KCND3: variants seen among roughly 807,000 people sequenced by gnomAD.
KCND3 encodes the protein potassium voltage-gated channel subfamily D member 3, also known as A-type voltage-gated potassium channel KCND3.
KCND3 carries 9 observed loss-of-function variants against 51.1 expected under a neutral mutation model. The observed-to-expected ratio is 0.18, with a 90% confidence interval of 0.11 to 0.31. KCND3 has a LOEUF of 0.31. KCND3 is among the 10% of genes least tolerant of loss of function. The pLI, the probability that KCND3 is intolerant of heterozygous loss-of-function variation, is 1.00. For missense variants in KCND3, 526 were observed against 903.8 expected (o/e 0.58, Z 5.36); for synonymous variants, 349 against 368.0 (o/e 0.95, Z 0.59).
chr1:111,801,753 TG>T (rs1557945355), intron 2 of KCND3, among the ~76,000 whole-genome samples: 1 of 152,248 alleles, frequency 6.6e-6, no homozygotes, highest in East Asian at 1.9e-4. Context: ...CCCCACGCTG[TG>T]CTGCCCTCCA....
rs186253220 is a variant in KCND3, at chr1:111,927,520, G to T, written c.1106+54101C>A. On this transcript the variant is annotated intron_variant, in intron 2 of 7. Transcript: ENST00000302127. ...AGCTGACTGCATTACAGGTGAAAGG[G>T]CAAGTCACTACTTCCCACGTGTGCA... is the stretch of plus-strand genomic sequence containing the variant. 7.0e-4 allele frequency among the ~76,000 whole-genome samples: 107 copies of T among 152,356 alleles called. 1 individual carries two copies. Among genetic ancestry groups the T allele is most frequent in the African/African-American group, 2.5e-3 (106 of 41,578 alleles).
Position 111,780,445 on chromosome 1 carries a change from G to A in KCND3, c.1372-131C>T. Reference sequence around the variant, plus strand: ...TTTTTTTATTTGACCAAATTTCAGGGTCAGCATTGAATATGCTAACCTTTG... The same window carrying A: ...TTTTTTTATTTGACCAAATTTCAGGATCAGCATTGAATATGCTAACCTTTG... On this transcript the variant is annotated intron_variant, in intron 4 of 7. Coordinates refer to ENST00000302127, the MANE Select transcript of KCND3 (RefSeq NM_001378969.1). This position sits in a 1 kb window ranked among gnomAD's most constrained non-coding sequence, Gnocchi z 4.2. 1.0e-6 allele frequency: 1 copy of A among 972,938 alleles called. No homozygotes were observed. The highest frequency in any genetic ancestry group is 2.6e-5 in the East Asian group (1 of 38,308). The allele number at this position is 972,938 out of a possible 1,614,324, so 60.3% of individuals were successfully genotyped here.
At chr1:111,800,161 G>T (rs1239911159) in intron 2 of KCND3, among the ~76,000 whole-genome samples, 3 of 140,626 alleles carry the variant, frequency 2.1e-5, no homozygotes, top group Non-Finnish European at 4.6e-5. Context: ...GTAGAAAGAA[G>T]TAGACATGGG....
At chr1:111,776,487 A>G (rs369543871) in intron 7 of KCND3, among the ~76,000 whole-genome samples, 3 of 152,222 alleles carry the variant, frequency 2.0e-5, no homozygotes, top group African/African-American at 7.2e-5. Context: ...TAGGCTTTGA[A>G]TTGCAGAATG....
intron 2 of KCND3, among the ~76,000 whole-genome samples, chr1:111,889,266 G>A (rs1669718604): frequency 6.6e-6 from 1 of 152,218 alleles, no homozygotes; most frequent in African/African-American, 2.4e-5. Flanking sequence ...CTGCCCCATG[G>A]ACTGAGTGAC....
intron 2 of KCND3, among the ~76,000 whole-genome samples, chr1:111,830,886 C>T (rs1025981960): frequency 6.6e-6 from 1 of 152,158 alleles, no homozygotes; most frequent in Admixed American, 6.5e-5. Context: ...CCTACATATT[C>T]CACAGAAATA....
Position 111,776,025 on chromosome 1 carries a change from T to G in KCND3, c.*52A>C. Reference sequence around the variant, plus strand: ...TGGTCTCAGTGACCACCCACCAACATGCCAGTCCCCTTCATTCCCCACTAC... The same window carrying G: ...TGGTCTCAGTGACCACCCACCAACAGGCCAGTCCCCTTCATTCCCCACTAC... On this transcript the variant is annotated 3_prime_UTR_variant, in exon 8 of 8. Transcript: ENST00000302127. The G allele has an allele frequency of 6.3e-7, 1 of 1,595,928 alleles. No individual in the cohort carries two copies. The highest frequency in any genetic ancestry group is 8.6e-7 in the Non-Finnish European group (1 of 1,163,718).
intron 2 of KCND3, among the ~76,000 whole-genome samples, chr1:111,816,188 C>G (rs896392879): frequency 6.6e-6 from 1 of 152,248 alleles, no homozygotes; most frequent in Non-Finnish European, 1.5e-5. Context: ...AGGAGGCAAA[C>G]CCCTACCACA....
Position 111,852,604 on chromosome 1 carries a change from G to C in KCND3, c.1107-65498C>G, listed in dbSNP as rs570368055. ...AGACAGAGGGGAGTGCAGCTGCACT[G>C]GGTTAATTACGCACACACCAAGCAT... On this transcript the variant is annotated intron_variant, in intron 2 of 7. Transcript: ENST00000302127. Among the ~76,000 whole-genome samples the C allele has an allele frequency of 2.6e-5, 4 of 152,280 alleles. No individual in the cohort carries two copies. The South Asian group carries it at 8.3e-4, about 32-fold the overall frequency.
intron 2 of KCND3, among the ~76,000 whole-genome samples, chr1:111,869,949 T>C (rs1238712783): frequency 6.6e-6 from 1 of 152,108 alleles, no homozygotes; most frequent in Non-Finnish European, 1.5e-5. Context: ...CATGCTGAAA[T>C]AAAGTGTTTG....
chr1:111,955,325 G>T (rs1253089958), intron 2 of KCND3, among the ~76,000 whole-genome samples: 1 of 152,090 alleles, frequency 6.6e-6, no homozygotes. Context: ...GGGGCGAGAG[G>T]ACTGCTAGAG....
chr1:111,779,869 C>T lies in KCND3; in HGVS notation c.1461+356G>A, dbSNP rs1010173060. The stretch of plus-strand genomic sequence containing the variant: ...ATCAACACTCTTCTCTACTCTCCTA[C>T]ACAAATTCAGCCCAAGCTTTGAAGG... On this transcript the variant is annotated intron_variant, in intron 5 of 7. Coordinates refer to ENST00000302127, the MANE Select transcript of KCND3 (RefSeq NM_001378969.1). Among the ~76,000 whole-genome samples, 5 of 152,256 alleles carry T rather than the reference C, an allele frequency of 3.3e-5. No homozygotes were observed. The East Asian group carries it at 9.6e-4, about 29-fold the overall frequency.
In KCND3 at chr1:111,965,438, CCACACACACACACA is replaced by C. The variant is rs56156826; in HGVS notation, c.1106+16169_1106+16182del. Among the ~76,000 whole-genome samples the C allele has an allele frequency of 2.8e-3, 202 of 72,418 alleles. No individual in the cohort carries two copies. The East Asian group carries it at 0.036, about 13-fold the overall frequency. The allele number at this position is 72,418 out of a possible 152,430, so 47.5% of individuals were successfully genotyped here. On this transcript the variant is annotated intron_variant, in intron 2 of 7. Transcript: ENST00000302127. ...CCCCGACCCCTTATGGCCAGCAAAA[CCACACACACACACA>C]CACACACACACACACACACACACAC...
intron 2 of KCND3, among the ~76,000 whole-genome samples, chr1:111,826,697 T>C (rs1019955844): frequency 4.6e-5 from 7 of 152,206 alleles, no homozygotes; most frequent in African/African-American, 1.4e-4. Context: ...AGGGTTTCAA[T>C]AGGACAGTGG....
intron 2 of KCND3, among the ~76,000 whole-genome samples, chr1:111,980,203 A>AGTGTGT (rs58988523): frequency 0.031 from 4,457 of 142,980 alleles, 154 homozygotes; most frequent in East Asian, 0.096. Flanking sequence ...CCATTTGAAG[A>AGTGTGT]GTGTGTGTGT....
intron 3 of KCND3, among the ~76,000 whole-genome samples, chr1:111,785,218 C>T (rs1664554562): frequency 6.6e-6 from 1 of 152,218 alleles, no homozygotes; most frequent in Non-Finnish European, 1.5e-5. Flanking sequence ...CCTGTGTCAG[C>T]TCTAGCCCCT....
chr1:111,923,853 C>T lies in KCND3; in HGVS notation c.1106+57768G>A, dbSNP rs543835092. 8.5e-5 allele frequency among the ~76,000 whole-genome samples: 13 copies of T among 152,348 alleles called. No homozygotes were observed. In the South Asian group the frequency reaches 2.7e-3, roughly 32 times the overall value. ...TAAATGACTCCTCCTTACCTTACTC[C>T]TCCTCCTGAAGGCAGTGGGGTGGGC... On this transcript the variant is annotated intron_variant, in intron 2 of 7. Transcript: ENST00000302127.
intron 2 of KCND3, among the ~76,000 whole-genome samples, chr1:111,937,562 G>T (rs955550817): frequency 2.6e-5 from 4 of 152,202 alleles, no homozygotes; most frequent in African/African-American, 9.6e-5. Flanking sequence ...CCACACTGGG[G>T]CTCATGCCTT....
intron 2 of KCND3, among the ~76,000 whole-genome samples, chr1:111,886,082 T>C (rs1407960416): frequency 6.6e-6 from 1 of 152,254 alleles, no homozygotes; most frequent in Non-Finnish European, 1.5e-5. Context: ...ATTGAACAGA[T>C]GCAAATAAAT....
Sources: gnomAD v4.1 joint callset for allele counts (sites outside exome capture counted in the v4.1 genomes callset) on GRCh38, gnomAD v4.1.1 for gene constraint, Gnocchi (gnomAD v3.1) non-coding constraint, MANE v1.5 for transcripts, NCBI Gene and HGNC (gene_info 2026-07-23, HGNC 2026-07-21) for gene names.